NRG3: variants seen among roughly 807,000 people sequenced by gnomAD.
NRG3 encodes the protein pro-neuregulin-3, membrane-bound isoform.
A neutral mutation model predicts 66.9 loss-of-function variants in NRG3; 31 were observed. The observed-to-expected ratio is 0.46, with a 90% CI of 0.35 to 0.63. The LOEUF (loss-of-function observed/expected upper bound fraction) is 0.63, where lower values mean the gene tolerates loss of function less well. Among genes scored for constraint, NRG3 ranks in the 20% least tolerant of loss-of-function variants. The pLI is 0.00. For synonymous variants in NRG3, 393 were observed against 359.4 expected (o/e 1.09, Z -1.06); for missense variants, 910 against 878.9 (o/e 1.04, Z -0.45).
At chr10:82,770,215 A>G (rs979997228) in intron 3 of NRG3, among the ~76,000 whole-genome samples, 11 of 152,306 alleles carry the variant, frequency 7.2e-5, no homozygotes, top group Admixed American at 1.3e-4. Context: ...AATAAATTAT[A>G]AAAGTGAAAG....
At chr10:82,307,509 G>A (rs1000416622) in intron 1 of NRG3, among the ~76,000 whole-genome samples, 7 of 151,900 alleles carry the variant, frequency 4.6e-5, no homozygotes, top group East Asian at 3.9e-4. Flanking sequence ...TTAAAAATTC[G>A]GAAAGATATA....
At chr10:81,935,423 G>A (rs937056832) in intron 1 of NRG3, among the ~76,000 whole-genome samples, 3 of 152,136 alleles carry the variant, frequency 2.0e-5, no homozygotes, top group East Asian at 1.9e-4. Context: ...TGCATTTATT[G>A]TATAAGGATG....
chr10:82,221,437 C>A (rs2075939942), intron 1 of NRG3, among the ~76,000 whole-genome samples: 1 of 152,148 alleles, frequency 6.6e-6, no homozygotes, highest in Non-Finnish European at 1.5e-5. Flanking sequence ...GCTTTTTGAT[C>A]CTAGTGCCCA....
At chr10:82,005,375 A>T (rs1456502870) in intron 1 of NRG3, among the ~76,000 whole-genome samples, 1 of 152,212 alleles carries the variant, frequency 6.6e-6, no homozygotes, top group Non-Finnish European at 1.5e-5. Context: ...TTTAACCATC[A>T]CTTTTATGTA....
intron 4 of NRG3, among the ~76,000 whole-genome samples, chr10:82,946,902 AT>A (rs2132317341): frequency 6.6e-6 from 1 of 152,272 alleles, no homozygotes; most frequent in East Asian, 1.9e-4. Context: ...TATTCGACAT[AT>A]TCTTTGCATA....
intron 2 of NRG3, among the ~76,000 whole-genome samples, chr10:82,513,187 G>T (rs1039989591): frequency 6.6e-6 from 1 of 152,126 alleles, no homozygotes; most frequent in Admixed American, 6.6e-5. Context: ...GCTCTCACTT[G>T]TAAGTGAGAA....
intron 1 of NRG3, among the ~76,000 whole-genome samples, chr10:82,316,563 T>C (rs2081307709): frequency 6.6e-6 from 1 of 152,172 alleles, no homozygotes; most frequent in Non-Finnish European, 1.5e-5. Context: ...CCAGAAACCT[T>C]CTTTAAGTGA....
intron 2 of NRG3, among the ~76,000 whole-genome samples, chr10:82,457,252 AT>A (rs1167681186): frequency 1.3e-5 from 2 of 151,980 alleles, no homozygotes; most frequent in Non-Finnish European, 2.9e-5. Flanking sequence ...GTGGAAGACA[AT>A]TTTTTTCCAC....
At chr10:82,546,333 C>T (rs2043912569) in intron 2 of NRG3, among the ~76,000 whole-genome samples, 1 of 151,996 alleles carries the variant, frequency 6.6e-6, no homozygotes, top group Admixed American at 6.6e-5. Context: ...TAGGGAAATG[C>T]AAAAGTTGCA....
intron 1 of NRG3, among the ~76,000 whole-genome samples, chr10:82,138,511 G>GT (rs1490207437): frequency 6.6e-6 from 1 of 152,084 alleles, no homozygotes; most frequent in Non-Finnish European, 1.5e-5. Flanking sequence ...CATATGAAGT[G>GT]TATTAGTCAG....
chr10:82,367,282 A>G lies in NRG3; in HGVS notation c.953+8414A>G, dbSNP rs200605506. On this transcript the variant is annotated intron_variant, in intron 2 of 8. Transcript: ENST00000372141. ...TCAATTGGAAGTTGTAAAATGCCAT[A>G]TAAATGCAAGATATTGTAGCTATGC... Among the ~76,000 whole-genome samples the G allele has an allele frequency of 3.9e-5, 6 of 152,340 alleles. No individual in the cohort carries two copies. The East Asian group carries it at 9.7e-4, about 25-fold the overall frequency.
At chr10:82,938,776 C>T (rs1239998393) in intron 4 of NRG3, among the ~76,000 whole-genome samples, 1 of 152,130 alleles carries the variant, frequency 6.6e-6, no homozygotes, top group Non-Finnish European at 1.5e-5. Context: ...TCCCTTAAAC[C>T]GCTGGGTCAG....
At chr10:82,178,212 C>A (rs1350520037) in intron 1 of NRG3, among the ~76,000 whole-genome samples, 1 of 152,100 alleles carries the variant, frequency 6.6e-6, no homozygotes, top group African/African-American at 2.4e-5. Context: ...GATGTACATG[C>A]ATATGTTTCA....
chr10:82,969,426 A>G (rs12264174), intron 6 of NRG3, among the ~76,000 whole-genome samples: 5,118 of 152,292 alleles, frequency 0.034, 266 homozygotes, highest in African/African-American at 0.12. Context: ...AAGCACACAT[A>G]GAGGTATTTC....
At chr10:82,249,859 A>C (rs2077405644) in intron 1 of NRG3, among the ~76,000 whole-genome samples, 1 of 152,170 alleles carries the variant, frequency 6.6e-6, no homozygotes, top group Admixed American at 6.5e-5. Context: ...TTTACCCTTC[A>C]CTTGATTCGT....
At position 82,984,163 on chromosome 10, in the gene NRG3, T is replaced by A. The variant is rs183983398; in HGVS notation, c.1584-935T>A. ...TAAGAAATAGAATAAAACACTACTG[T>A]TCAAGTTCCAAAACCCCATTTCTAT... is the stretch of plus-strand genomic sequence containing the variant. On this transcript the variant is annotated intron_variant, in intron 8 of 8. Transcript: ENST00000372141. Among the ~76,000 whole-genome samples, 655 of 152,332 alleles carry A rather than the reference T, an allele frequency of 4.3e-3. 6 individuals are homozygous for A. Among genetic ancestry groups the A allele is most frequent in the African/African-American group, 0.015 (634 of 41,578 alleles).
intron 1 of NRG3, among the ~76,000 whole-genome samples, chr10:82,315,426 A>G (rs1016477190): frequency 6.6e-6 from 1 of 152,192 alleles, no homozygotes; most frequent in Non-Finnish European, 1.5e-5. Context: ...AACTACATTT[A>G]GTCAAAGGCC....
At chr10:81,994,432 C>T (rs1047134067) in intron 1 of NRG3, among the ~76,000 whole-genome samples, 3 of 151,914 alleles carry the variant, frequency 2.0e-5, no homozygotes, top group African/African-American at 4.8e-5. Flanking sequence ...GAGCATTTAC[C>T]GTATTTAACA....
At chr10:82,515,684 C>CATACAACAT (rs1287429105) in intron 2 of NRG3, among the ~76,000 whole-genome samples, 2 of 152,184 alleles carry the variant, frequency 1.3e-5, no homozygotes, top group Non-Finnish European at 2.9e-5. Context: ...TGTTGACCTG[C>CATACAACAT]ATACAACATC....
Sources: allele counts gnomAD v4.1 joint callset (sites outside exome capture counted in the v4.1 genomes callset), GRCh38; gene constraint gnomAD v4.1.1; transcripts MANE v1.5; gene names NCBI Gene and HGNC (gene_info 2026-07-23, HGNC 2026-07-21).